Variants in LRP1 observed in about 807,000 individuals in gnomAD.
The protein encoded by LRP1 is prolow-density lipoprotein receptor-related protein 1.
A neutral mutation model predicts 541.5 loss-of-function variants in LRP1; 51 were observed. That is an observed-to-expected ratio of 0.09 (90% CI 0.08 to 0.12). The LOEUF (loss-of-function observed/expected upper bound fraction) is 0.12. Ranked by LOEUF, LRP1 falls within the 10% of genes least tolerant of loss-of-function variation. The pLI, the probability that LRP1 is intolerant of heterozygous loss-of-function variation, is 1.00. For missense variants in LRP1, 3,878 were observed against 6,376.2 expected (o/e 0.61, Z 13.34); for synonymous variants, 2,219 against 2,470.8 (o/e 0.90, Z 3.02).
chr12:57,212,446 C>T lies in LRP1; in HGVS notation c.13526C>T (p.Thr4509Ile). ...PTNFTNPVYA[T>I]LYMGGHGSRH... is the part of the protein sequence containing the mutation. ...AACTTCACCAACCCCGTGTATGCCA[C>T]ACTCTACATGGGGGGCCATGGCAGT... is the stretch of plus-strand genomic sequence containing the variant. The change falls in exon 89 of 89, where the codon ACA (threonine) becomes ATA (isoleucine). Residue 4509 changes from threonine (T) to isoleucine (I), a missense_variant. Around this residue, in one of 13 missense-constraint regions of LRP1, gnomAD observed 871 missense variants for 1,212.4 expected, o/e 0.72. Transcript: ENST00000243077. This position sits in a 1 kb window ranked among gnomAD's most constrained non-coding sequence, Gnocchi z 5.0. 6.2e-7 allele frequency: 1 copy of T among 1,614,170 alleles called. No individual in the cohort carries two copies.
Position 57,193,906 on chromosome 12 carries a change from C to T in LRP1, c.7812C>T (p.Ala2604=). The T allele has an allele frequency of 1.2e-6, 2 of 1,614,010 alleles. No homozygotes were observed. Among genetic ancestry groups the T allele is most frequent in the Non-Finnish European group, 1.7e-6 (2 of 1,179,944 alleles). Residue 2604 remains alanine, a synonymous_variant, in exon 48 of 89, where the codon GCC becomes GCT. Transcript: ENST00000243077. ...GGGCGGGCACTGTTCTAGAGACAGC[C>T]TGTGGTGTGGGCGAGTTCCGCTGCC... is the stretch of plus-strand genomic sequence containing the variant. ...GSDEIPCNKT[A]CGVGEFRCRD...
Position 57,211,591 on chromosome 12 carries a change from GAGTTGGGCCCGGGCTTCACCCAGGCATA to G in LRP1, c.13193+4_13193+31del. Reference sequence around the variant, plus strand: ...AGCAAAATGATGCCTGAGTGCCAGTGAGTTGGGCCCGGGCTTCACCCAGGCATAGATCATCGCTCCCTTCCCCAGATTT... The same window carrying G: ...AGCAAAATGATGCCTGAGTGCCAGTGGATCATCGCTCCCTTCCCCAGATTT... On this transcript the variant is annotated splice_donor_5th_base_variant and intron_variant, in intron 85 of 88. Coordinates refer to ENST00000243077, the MANE Select transcript of LRP1 (RefSeq NM_002332.3). The surrounding 1 kb of genome is among the most constrained non-coding windows in gnomAD (Gnocchi z 4.3). 6.2e-7 allele frequency: 1 copy of G among 1,613,972 alleles called. No homozygotes were observed. Among genetic ancestry groups the G allele is most frequent in the South Asian group, 1.1e-5 (1 of 91,074 alleles).
chr12:57,203,707 C>A, intron 70 of LRP1, 186 bp downstream of exon 70: 2 of 727,362 alleles, frequency 2.7e-6, no homozygotes, highest in Non-Finnish European at 4.2e-6. Context: ...AGACACAGGG[C>A]CCCTGAATAC....
At chr12:57,209,275 C>G (rs1363628532) in intron 79 of LRP1, 76 bp downstream of exon 79, 3 of 1,125,988 alleles carry the variant, frequency 2.7e-6, no homozygotes, top group Non-Finnish European at 2.7e-6. Flanking sequence ...CCAAAGGCCT[C>G]ACTTCAATGC....
rs1410422125 is a variant in LRP1 at position 57,194,236 on chromosome 12, C to T, written c.7919-118C>T. ...AGCAGATGGTGCAGACAGTGCCCCACCAGAAGGGCACCGTTCAACTTTTGG... is the reference window on the plus strand; with the variant it reads ...AGCAGATGGTGCAGACAGTGCCCCATCAGAAGGGCACCGTTCAACTTTTGG... On this transcript the variant is annotated intron_variant, in intron 48 of 88. Transcript: ENST00000243077. 36 of 1,229,530 alleles carry T rather than the reference C, an allele frequency of 2.9e-5. No homozygotes were observed. In the Middle Eastern group the frequency reaches 8.2e-4, roughly 28 times the overall value. The allele number at this position is 1,229,530 out of a possible 1,614,324, so 76.2% of individuals were successfully genotyped here.
chr12:57,130,749 C>T (rs1394936394), intron 1 of LRP1, among the ~76,000 whole-genome samples: 2 of 152,120 alleles, frequency 1.3e-5, no homozygotes, highest in African/African-American at 4.8e-5. Flanking sequence ...GCATCACTCC[C>T]AGGGCTCTAA....
rs1166104046 is a variant in LRP1, at chr12:57,156,227, C to G, written c.1361C>G (p.Thr454Ser). ...AACAGCACCGAGTACCAGGTTGTCA[C>G]CCGGGTGGACAAGGGTGGTGCCCTC... ...RFNSTEYQVV[T>S]RVDKGGALHI... Residue 454 changes from threonine (T) to serine (S), a missense_variant, in exon 9 of 89, where the codon ACC (threonine) becomes AGC (serine). By Grantham distance (58) the Thr-to-Ser change is moderately conservative. This residue lies in a region of LRP1 where 496 missense variants were observed against 861.0 expected (regional missense o/e 0.58). Coordinates refer to ENST00000243077, the MANE Select transcript of LRP1 (RefSeq NM_002332.3). The surrounding 1 kb of genome is among the most constrained non-coding windows in gnomAD (Gnocchi z 5.2). The G allele has an allele frequency of 6.2e-7, 1 of 1,614,144 alleles. No individual in the cohort carries two copies. Among genetic ancestry groups the G allele is most frequent in the Non-Finnish European group, 8.5e-7 (1 of 1,180,022 alleles).
rs966889983 is a variant in LRP1 at position 57,194,573 on chromosome 12, C to T, written c.8069-4C>T. On this transcript the variant is annotated splice_polypyrimidine_tract_variant and splice_region_variant and intron_variant, in intron 49 of 88. Coordinates refer to ENST00000243077, the MANE Select transcript of LRP1 (RefSeq NM_002332.3). ...AGGGCCCTCACACCTGCCTCGCCCCCCAGGTGTGAAACGCCCCAGATGCCC... is the reference window on the plus strand; with the variant it reads ...AGGGCCCTCACACCTGCCTCGCCCCTCAGGTGTGAAACGCCCCAGATGCCC... 1 of 1,612,586 alleles carries T rather than the reference C, an allele frequency of 6.2e-7. No homozygotes were observed. The highest frequency in any genetic ancestry group is 8.5e-7 in the Non-Finnish European group (1 of 1,179,888).
chr12:57,138,384 A>G (rs1359461660), intron 1 of LRP1, 75 bp from the exon 2 acceptor site: 3 of 1,526,962 alleles, frequency 2.0e-6, no homozygotes, highest in African/African-American at 2.7e-5. Context: ...AAGGAAGAGC[A>G]GTACTAGGGG....
chr12:57,175,793 TGA>T, intron 23 of LRP1, 88 bp downstream of exon 23: 1 of 1,552,632 alleles, frequency 6.4e-7, no homozygotes, highest in Admixed American at 1.8e-5. Flanking sequence ...TGCCAAAGGC[TGA>T]GTTTTCCACC....
Position 57,193,314 on chromosome 12 carries a change from C to A in LRP1, c.7684+10C>A. The A allele has an allele frequency of 6.2e-7, 1 of 1,607,988 alleles. No individual in the cohort carries two copies. ...AAGCCATCCTACTGCAGTAAGGAGCCCCCTGCAGCCCCTGCCTCTTCCAGG... is the reference window on the plus strand; with the variant it reads ...AAGCCATCCTACTGCAGTAAGGAGCACCCTGCAGCCCCTGCCTCTTCCAGG... On this transcript the variant is annotated intron_variant, in intron 46 of 88. Transcript: ENST00000243077.
chr12:57,175,767 G>A (rs2036033497), intron 23 of LRP1, 62 bp downstream of exon 23: 1 of 1,549,940 alleles, frequency 6.5e-7, no homozygotes. Context: ...GCAGTGGGTT[G>A]GGCTTGGTGG....
At chr12:57,198,436 C>T (rs750316014) in intron 59 of LRP1, 29 bp from the exon 60 acceptor site, 13 of 1,611,136 alleles carry the variant, frequency 8.1e-6, no homozygotes, top group Non-Finnish European at 1.1e-5. Context: ...TACGGGATCT[C>T]CCAGGGCTCA....
chr12:57,196,498 A>T (rs2036536760), intron 55 of LRP1, among the ~76,000 whole-genome samples: 1 of 152,200 alleles, frequency 6.6e-6, no homozygotes, highest in Non-Finnish European at 1.5e-5. Flanking sequence ...GGAGTGAGGC[A>T]TCAAGTAGGC....
rs187470453 is a variant in LRP1, at chr12:57,148,958, C to G, written c.841+3468C>G. On this transcript the variant is annotated intron_variant, in intron 6 of 88. Transcript: ENST00000243077. ...TTCACTTTTCCCTTCCTCTCCCTTT[C>G]TTTTATTTATTTATTTTTTTAGTGT... The G allele has an allele frequency of 6.6e-6, 4 of 605,474 alleles. No homozygotes were observed. In the East Asian group the frequency reaches 1.3e-4, roughly 19 times the overall value. 37.5% of individuals were successfully genotyped at this position (605,474 alleles called of 1,614,324 possible).
chr12:57,148,980 G>T, intron 6 of LRP1: 1 of 634,972 alleles, frequency 1.6e-6, no homozygotes, highest in South Asian at 1.8e-5. Flanking sequence ...TATTTTTTTA[G>T]TGTGTGTGTT....
chr12:57,144,386 G>A (rs1439717770), intron 4 of LRP1, among the ~76,000 whole-genome samples: 1 of 151,842 alleles, frequency 6.6e-6, no homozygotes, highest in East Asian at 1.9e-4. Context: ...AGTTTACTTG[G>A]TCACCTCCCT....
intron 1 of LRP1, among the ~76,000 whole-genome samples, chr12:57,133,630 A>T (rs954611003): frequency 2.1e-4 from 1 of 4,840 alleles, no homozygotes; most frequent in African/African-American, 7.8e-4. Flanking sequence ...CCGCCCCCCC[A>T]CCCCACCCCC....
At chr12:57,148,424 A>G (rs909477868) in intron 6 of LRP1, among the ~76,000 whole-genome samples, 17 of 152,148 alleles carry the variant, frequency 1.1e-4, no homozygotes, top group African/African-American at 3.9e-4. Context: ...TCCCTTAGTC[A>G]GGAACCAGGC....
Sources: gnomAD v4.1 joint callset for allele counts (sites outside exome capture counted in the v4.1 genomes callset) on GRCh38, gnomAD v4.1.1 for gene constraint, gnomAD v4.1.1 regional missense constraint, Gnocchi (gnomAD v3.1) non-coding constraint, MANE v1.5 for transcripts, NCBI Gene and HGNC (gene_info 2026-07-23, HGNC 2026-07-21) for gene names.